FKBP5: variants seen among roughly 807,000 people sequenced by gnomAD.
The protein encoded by FKBP5 is peptidyl-prolyl cis-trans isomerase FKBP5.
FKBP5 carries 23 observed loss-of-function variants against 50.5 expected under a neutral mutation model. The observed-to-expected ratio is 0.46, with a 90% CI of 0.33 to 0.65. The LOEUF (loss-of-function observed/expected upper bound fraction) is 0.65, where lower values mean the gene tolerates loss of function less well. Ranked by LOEUF, FKBP5 falls within the 30% of genes least tolerant of loss-of-function variation. The pLI, the probability that FKBP5 is intolerant of heterozygous loss-of-function variation, is 0.02. For missense variants in FKBP5, 411 were observed against 553.1 expected, an observed-to-expected ratio of 0.74 and a Z score of 2.58; for synonymous variants, 176 against 190.6, an observed-to-expected ratio of 0.92 and a Z score of 0.63.
At chr6:35,619,486 T>C (rs1763760787) in intron 4 of FKBP5, among the ~76,000 whole-genome samples, 1 of 152,150 alleles carries the variant, frequency 6.6e-6, no homozygotes, top group Admixed American at 6.5e-5. Flanking sequence ...AAAACTACCC[T>C]GTGGGCAAAA....
chr6:35,653,324 C>A (rs1297130250), intron 1 of FKBP5, among the ~76,000 whole-genome samples: 1 of 152,126 alleles, frequency 6.6e-6, no homozygotes, highest in Admixed American at 6.6e-5. Context: ...CCACTGTACT[C>A]CAGCCTGGGT....
intron 1 of FKBP5, among the ~76,000 whole-genome samples, chr6:35,654,517 C>A (rs981631794): frequency 6.6e-6 from 1 of 152,206 alleles, no homozygotes; most frequent in African/African-American, 2.4e-5. Context: ...TAATACCATA[C>A]CATACCATTG....
chr6:35,638,700 A>G (rs1198071887), intron 2 of FKBP5, among the ~76,000 whole-genome samples: 1 of 152,138 alleles, frequency 6.6e-6, no homozygotes, highest in Non-Finnish European at 1.5e-5. Flanking sequence ...TTACTGGTAT[A>G]AGCTATCGCA....
chr6:35,679,938 CTT>C (rs1288469064), intron 1 of FKBP5, among the ~76,000 whole-genome samples: 3 of 151,846 alleles, frequency 2.0e-5, no homozygotes, highest in Non-Finnish European at 4.4e-5. Context: ...AATTTAAAAA[CTT>C]ATAAATAAAA....
At chr6:35,600,698 G>A (rs886765598) in intron 5 of FKBP5, among the ~76,000 whole-genome samples, 2 of 152,098 alleles carry the variant, frequency 1.3e-5, no homozygotes, top group Admixed American at 6.6e-5. Flanking sequence ...CTCCCTTAAG[G>A]AGAGTACATT....
At chr6:35,714,320 C>T in intron 2 of FKBP5, among the ~76,000 whole-genome samples, 1 of 32,874 alleles carries the variant, frequency 3.0e-5, no homozygotes, top group Non-Finnish European at 6.1e-5. Context: ...GGCGTGGTGG[C>T]ATGTGCCTGT....
intron 5 of FKBP5, among the ~76,000 whole-genome samples, chr6:35,610,679 A>C (rs1763465561): frequency 6.6e-6 from 1 of 150,928 alleles, no homozygotes; most frequent in Admixed American, 6.6e-5. Flanking sequence ...TTTATTTTTA[A>C]ATTTATTTTA....
chr6:35,673,293 T>C (rs1765439045), intron 1 of FKBP5, among the ~76,000 whole-genome samples: 1 of 152,218 alleles, frequency 6.6e-6, no homozygotes, highest in Non-Finnish European at 1.5e-5. Context: ...CTCCTGCCTG[T>C]AATCCCAGCA....
intron 3 of FKBP5, among the ~76,000 whole-genome samples, chr6:35,625,394 T>C (rs951692522): frequency 3.3e-5 from 5 of 151,172 alleles, no homozygotes; most frequent in Non-Finnish European, 5.9e-5. Flanking sequence ...CCCCAAAGCA[T>C]AAACATTTTA....
At position 35,580,232 on chromosome 6, in the gene FKBP5, A is replaced by G. The variant is rs1762381491; in HGVS notation, c.841-11T>C. 6.2e-7 allele frequency: 1 copy of G among 1,605,424 alleles called. No homozygotes were observed. Among genetic ancestry groups the G allele is most frequent in the Non-Finnish European group, 8.5e-7 (1 of 1,174,570 alleles). On this transcript the variant is annotated splice_polypyrimidine_tract_variant and intron_variant, in intron 8 of 10. Coordinates refer to ENST00000357266, the MANE Select transcript of FKBP5 (RefSeq NM_004117.4). ...CATGTATTTGCCTCCCTAGGATAAA[A>G]AAGCGTCATTACTTGTACTCAGCTC...
intron 1 of FKBP5, among the ~76,000 whole-genome samples, chr6:35,649,505 C>T (rs912772961): frequency 6.6e-6 from 1 of 151,494 alleles, no homozygotes; most frequent in Non-Finnish European, 1.5e-5. Flanking sequence ...TCTAGCATCT[C>T]CCAAGAACAC....
intron 3 of FKBP5, among the ~76,000 whole-genome samples, chr6:35,632,221 A>T (rs947708355): frequency 3.3e-5 from 5 of 152,204 alleles, no homozygotes; most frequent in Admixed American, 3.3e-4. Context: ...TAATTTCTGT[A>T]ACATATTCCA....
intron 8 of FKBP5, chr6:35,585,329 T>C: frequency 4.1e-6 from 4 of 980,372 alleles, no homozygotes; most frequent in Non-Finnish European, 4.8e-6. Context: ...AATAACCCAC[T>C]TGGAATCTTA....
chr6:35,705,385 A>G (rs567840852), intron 2 of FKBP5, among the ~76,000 whole-genome samples: 94 of 147,998 alleles, frequency 6.4e-4, no homozygotes, highest in African/African-American at 2.2e-3. Context: ...TCCTGCCTCA[A>G]CCTCCTGAGT....
In FKBP5 at chr6:35,627,100, C is replaced by A. The variant is rs747804129; in HGVS notation, c.251-6826G>T. ...CACTATTTTACATTCCCACCAACAG[C>A]GCATAAGGGTTCCAATTTCTCTACA... On this transcript the variant is annotated intron_variant, in intron 3 of 10. Coordinates refer to ENST00000357266, the MANE Select transcript of FKBP5 (RefSeq NM_004117.4). Among the ~76,000 whole-genome samples the A allele has an allele frequency of 6.1e-4, 93 of 152,174 alleles. 1 individual carries two copies. Among genetic ancestry groups the A allele is most frequent in the Non-Finnish European group, 5.9e-4 (40 of 68,026 alleles).
At position 35,637,219 on chromosome 6, in the gene FKBP5, A is replaced by G. The variant is rs1764338186; in HGVS notation, c.106-61T>C. ...ACTTTTTACTTGTAATCAGAGAATA[A>G]AAAGGTCACACAGTCCATCCCAAGA... On this transcript the variant is annotated intron_variant, in intron 2 of 10. Transcript: ENST00000357266. The G allele has an allele frequency of 4.0e-6, 6 of 1,496,148 alleles. No individual in the cohort carries two copies. In the Admixed American group the frequency reaches 1.2e-4, roughly 29 times the overall value. 92.7% of individuals were successfully genotyped at this position (1,496,148 alleles called of 1,614,324 possible).
At chr6:35,651,205 G>A (rs975960312) in intron 1 of FKBP5, among the ~76,000 whole-genome samples, 1 of 152,136 alleles carries the variant, frequency 6.6e-6, no homozygotes, top group Non-Finnish European at 1.5e-5. Context: ...GTTACCTCTG[G>A]AGAATGAGAT....
upstream of FKBP5, among the ~76,000 whole-genome samples, chr6:35,691,319 G>A (rs1022870585): frequency 2.0e-5 from 3 of 152,168 alleles, no homozygotes; most frequent in African/African-American, 2.4e-5. Flanking sequence ...CCAGACAGAG[G>A]GGTGTGGACA....
chr6:35,715,154 C>T (rs997339173), intron 2 of FKBP5, among the ~76,000 whole-genome samples: 3 of 152,208 alleles, frequency 2.0e-5, no homozygotes, highest in African/African-American at 7.2e-5. Context: ...CCCGCCTTGG[C>T]CTCCCAAAGT....
Sources: allele counts gnomAD v4.1 joint callset (sites outside exome capture counted in the v4.1 genomes callset), GRCh38; gene constraint gnomAD v4.1.1; transcripts MANE v1.5; gene names NCBI Gene and HGNC (gene_info 2026-07-23, HGNC 2026-07-21).